The following COP1 variants were observed in gnomAD, a reference collection of about 807,000 sequenced individuals.
The protein encoded by COP1 is COP1 E3 ubiquitin ligase.
COP1 carries 24 observed loss-of-function variants against 101.3 expected under a neutral mutation model. That is an observed-to-expected ratio of 0.24 (90% confidence interval 0.17 to 0.33). COP1 has a LOEUF of 0.33. COP1 is among the 10% of genes least tolerant of loss of function. COP1 has a pLI of 1.00. For synonymous variants in COP1, 347 were observed against 341.9 expected, an observed-to-expected ratio of 1.01 and a Z score of -0.17; for missense variants, 663 against 906.2, an observed-to-expected ratio of 0.73 and a Z score of 3.45.
chr1:176,203,903 A>ACC (rs1700560775), intron 1 of COP1, among the ~76,000 whole-genome samples: 1 of 152,204 alleles, frequency 6.6e-6, no homozygotes, highest in Non-Finnish European at 1.5e-5. Context: ...GGTCCCTATC[A>ACC]CCAGGGGAGC....
intron 10 of COP1, 139 bp downstream of exon 10, chr1:176,085,637 T>G (rs1377373343): frequency 1.1e-5 from 5 of 454,836 alleles, no homozygotes; most frequent in African/African-American, 7.8e-5. Context: ...ACTAAGAACC[T>G]CCATGATGAT....
intron 11 of COP1, among the ~76,000 whole-genome samples, chr1:176,076,180 C>T (rs1312677303): frequency 8.6e-5 from 13 of 151,964 alleles, no homozygotes. Flanking sequence ...AACTCCTCAT[C>T]TGTACATGGA....
At chr1:176,064,224 T>C (rs564959814) in intron 11 of COP1, among the ~76,000 whole-genome samples, 12 of 152,170 alleles carry the variant, frequency 7.9e-5, no homozygotes, top group South Asian at 2.1e-4. Flanking sequence ...AATGTAAAGT[T>C]TGAAAACTTA....
At chr1:176,113,998 A>G (rs1375945552) in intron 9 of COP1, among the ~76,000 whole-genome samples, 1 of 148,886 alleles carries the variant, frequency 6.7e-6, no homozygotes, top group Non-Finnish European at 1.5e-5. Flanking sequence ...AAACGTGGCT[A>G]GACAACTTTA....
intron 19 of COP1, among the ~76,000 whole-genome samples, chr1:175,946,494 G>T (rs1279465619): frequency 1.3e-5 from 2 of 152,146 alleles, no homozygotes; most frequent in Admixed American, 1.3e-4. Context: ...AATCAGCAGA[G>T]AATATGTGGA....
chr1:176,045,948 G>T (rs557288118), intron 12 of COP1, among the ~76,000 whole-genome samples: 1 of 144,196 alleles, frequency 6.9e-6, no homozygotes, highest in African/African-American at 2.6e-5. Flanking sequence ...AGTGAAAGAA[G>T]AACTTTAATT....
intron 5 of COP1, among the ~76,000 whole-genome samples, chr1:176,160,511 A>C (rs1322550361): frequency 6.6e-6 from 1 of 152,100 alleles, no homozygotes; most frequent in East Asian, 1.9e-4. Context: ...AAATTTTTGC[A>C]ATGTACCCAT....
intron 9 of COP1, among the ~76,000 whole-genome samples, chr1:176,102,105 C>A (rs565845560): frequency 6.6e-6 from 1 of 152,226 alleles, no homozygotes; most frequent in Admixed American, 6.5e-5. Context: ...CATCTGCACA[C>A]TGAGAGGATG....
chr1:176,175,352 AACCTTT>A (rs1696775893), intron 3 of COP1, among the ~76,000 whole-genome samples: 7 of 152,180 alleles, frequency 4.6e-5, no homozygotes, highest in Admixed American at 4.6e-4. Flanking sequence ...AGCAGTCCCC[AACCTTT>A]TTGGGACCAG....
intron 15 of COP1, among the ~76,000 whole-genome samples, chr1:176,001,317 G>A (rs943809407): frequency 6.6e-6 from 1 of 152,104 alleles, no homozygotes; most frequent in Non-Finnish European, 1.5e-5. Context: ...ATTTGAGTAC[G>A]ATGTTAACAT....
intron 18 of COP1, among the ~76,000 whole-genome samples, chr1:175,975,927 A>G (rs954741004): frequency 3.3e-5 from 5 of 152,234 alleles, no homozygotes; most frequent in African/African-American, 1.2e-4. Context: ...TTTCCCTACC[A>G]GTAAGAACAG....
At chr1:176,195,126 G>C (rs1699524296) in intron 1 of COP1, among the ~76,000 whole-genome samples, 1 of 142,668 alleles carries the variant, frequency 7.0e-6, no homozygotes, top group Non-Finnish European at 1.5e-5. Flanking sequence ...GAAAGAGGGA[G>C]AGGAGAGAAA....
intron 18 of COP1, among the ~76,000 whole-genome samples, chr1:175,950,016 A>G (rs1649672551): frequency 6.6e-6 from 1 of 152,204 alleles, no homozygotes; most frequent in African/African-American, 2.4e-5. Context: ...GGATTACCAC[A>G]CAAGAGGAGT....
At chr1:176,036,133 T>C (rs1368558773) in intron 14 of COP1, among the ~76,000 whole-genome samples, 1 of 152,100 alleles carries the variant, frequency 6.6e-6, no homozygotes, top group Non-Finnish European at 1.5e-5. Flanking sequence ...GAAAACTTGG[T>C]TTCAAATTTG....
At chr1:176,014,374 T>C (rs559130749) in intron 15 of COP1, among the ~76,000 whole-genome samples, 2 of 152,324 alleles carry the variant, frequency 1.3e-5, no homozygotes, top group African/African-American at 4.8e-5. Flanking sequence ...ATTTATTATT[T>C]CAACAGCACA....
At chr1:176,092,301 T>C (rs1681474770) in intron 9 of COP1, among the ~76,000 whole-genome samples, 3 of 152,140 alleles carry the variant, frequency 2.0e-5, no homozygotes. Context: ...ATGTAATATG[T>C]TACTGGATAA....
intron 18 of COP1, among the ~76,000 whole-genome samples, chr1:175,966,703 C>T (rs1652094341): frequency 6.6e-6 from 1 of 152,184 alleles, no homozygotes; most frequent in Non-Finnish European, 1.5e-5. Context: ...AGTTCTCATA[C>T]ATTATAAATA....
intron 1 of COP1, among the ~76,000 whole-genome samples, chr1:176,189,962 T>G (rs929493908): frequency 6.6e-6 from 1 of 151,392 alleles, no homozygotes; most frequent in South Asian, 2.1e-4. Flanking sequence ...AAGAAAGAAT[T>G]AGAATGAAAA....
At chr1:176,197,684 A>C (rs1699839254) in intron 1 of COP1, among the ~76,000 whole-genome samples, 1 of 152,198 alleles carries the variant, frequency 6.6e-6, no homozygotes, top group Admixed American at 6.5e-5. Context: ...TAAATCCATT[A>C]ACGTACGTTC....
Sources: allele counts gnomAD v4.1 joint callset (sites outside exome capture counted in the v4.1 genomes callset), GRCh38; gene constraint gnomAD v4.1.1; transcripts MANE v1.5; gene names NCBI Gene and HGNC (gene_info 2026-07-23, HGNC 2026-07-21).